Variants in MPDZ observed in about 807,000 individuals in gnomAD.
MPDZ encodes multiple PDZ domain protein.
Under a neutral mutation model 239.1 loss-of-function variants are expected in MPDZ, and 234 were observed. The ratio of observed to expected loss-of-function variants is 0.98; its 90% confidence interval spans 0.88 to 1.09. MPDZ has a LOEUF of 1.09. MPDZ is among the 50% of genes least tolerant of loss of function. The pLI is 0.00. For synonymous variants in MPDZ, 1,048 were observed against 881.3 expected, an observed-to-expected ratio of 1.19 and a Z score of -3.35; for missense variants, 3,175 against 2,510.0, an observed-to-expected ratio of 1.26 and a Z score of -5.66.
intron 34 of MPDZ, among the ~76,000 whole-genome samples, chr9:13,125,654 A>G (rs747282080): frequency 6.6e-6 from 1 of 152,126 alleles, no homozygotes; most frequent in African/African-American, 2.4e-5. Flanking sequence ...CTTATATAAG[A>G]CTTTCAACTT....
chr9:13,240,120 G>C (rs922171609), intron 3 of MPDZ, among the ~76,000 whole-genome samples: 5 of 152,114 alleles, frequency 3.3e-5, no homozygotes, highest in Middle Eastern at 3.4e-3. Context: ...CAAACAACAT[G>C]TTAGAATTTT....
chr9:13,199,849 G>A lies in MPDZ; in HGVS notation c.1547-3619C>T, dbSNP rs190583902. Reference sequence around the variant, plus strand: ...TTAATGATCTTATTAATGTGTTGTTGAATCTGGTTTGCTAGTATTTTGTTG... The same window carrying A: ...TTAATGATCTTATTAATGTGTTGTTAAATCTGGTTTGCTAGTATTTTGTTG... On this transcript the variant is annotated intron_variant, in intron 12 of 46. Transcript: ENST00000319217. Among the ~76,000 whole-genome samples, 78 of 152,142 alleles carry A rather than the reference G, an allele frequency of 5.1e-4. 1 individual carries two copies. Among genetic ancestry groups the A allele is most frequent in the African/African-American group, 1.8e-3 (74 of 41,562 alleles).
rs1389644994 is a variant in MPDZ at position 13,158,039 on chromosome 9, C to T, written c.3431G>A (p.Ser1144Asn). The T allele has an allele frequency of 1.2e-6, 2 of 1,612,590 alleles. No homozygotes were observed. The highest frequency in any genetic ancestry group is 8.5e-7 in the Non-Finnish European group (1 of 1,179,088). Residue 1144 changes from serine to asparagine, a missense_variant, in exon 24 of 47, where the codon AGC becomes AAC. Ser to Asn is a conservative substitution (Grantham distance 46). Transcript: ENST00000319217. The part of the protein sequence containing the change: ...EESELQNTAY[S>N]NWNQPRRVEL... ...TTACCGCCTGGGCTGATTCCAATTGCTATATGCTGTGTTTTGAAGTTCGCT... is the reference window on the plus strand; with the variant it reads ...TTACCGCCTGGGCTGATTCCAATTGTTATATGCTGTGTTTTGAAGTTCGCT...
intron 38 of MPDZ, chr9:13,120,241 C>T (rs1239295685): frequency 6.6e-6 from 1 of 151,466 alleles, no homozygotes; most frequent in Non-Finnish European, 1.5e-5. Context: ...TCCTTTCTTT[C>T]ACAAAACTAT....
rs766220806 is a variant in MPDZ, at chr9:13,190,228, C to A, written c.2040G>T (p.Ala680=). The change falls in exon 16 of 47, where the codon GCG becomes GCT. Residue 680 remains alanine, a synonymous_variant. Coordinates refer to ENST00000319217, the MANE Select transcript of MPDZ (RefSeq NM_001378778.1). Reference sequence around the variant, plus strand: ...CTTGAACCTCTTCTGTACTCTGACCCGCATCAGTCATCGCCAGCACTGGAT... The same window carrying A: ...CTTGAACCTCTTCTGTACTCTGACCAGCATCAGTCATCGCCAGCACTGGAT... The part of the protein sequence containing the change: ...TEDPVLAMTD[A]GQSTEEVQAP... The A allele has an allele frequency of 6.2e-7, 1 of 1,612,808 alleles. No homozygotes were observed. The highest frequency in any genetic ancestry group is 8.5e-7 in the Non-Finnish European group (1 of 1,179,404).
chr9:13,166,118 A>G (rs1280689852), intron 22 of MPDZ, among the ~76,000 whole-genome samples: 3 of 152,106 alleles, frequency 2.0e-5, no homozygotes, highest in Admixed American at 6.6e-5. Context: ...TAGGTTCATA[A>G]AGAAAAATAA....
At chr9:13,216,668 T>C (rs1958384763) in intron 10 of MPDZ, 106 bp downstream of exon 10, 1 of 750,890 alleles carries the variant, frequency 1.3e-6, no homozygotes, top group Non-Finnish European at 2.1e-6. Flanking sequence ...CCAAAAAAGC[T>C]TAAATTAGTA....
chr9:13,133,821 T>C lies in MPDZ; in HGVS notation c.4464+3A>G, dbSNP rs749328530. The stretch of plus-strand genomic sequence containing the variant: ...ATTTCATTCCAATTCAAAGCAGATT[T>C]ACCTTGGGAAGCTCCAGATGTTGCA... On this transcript the variant is annotated splice_donor_region_variant and intron_variant, in intron 32 of 46. Transcript: ENST00000319217. The C allele has an allele frequency of 2.5e-6, 4 of 1,583,648 alleles. No individual in the cohort carries two copies. The highest frequency in any genetic ancestry group is 8.7e-7 in the Non-Finnish European group (1 of 1,155,114).
At chr9:13,239,570 C>A (rs1964878416) in intron 3 of MPDZ, among the ~76,000 whole-genome samples, 1 of 152,068 alleles carries the variant, frequency 6.6e-6, no homozygotes, top group South Asian at 2.1e-4. Context: ...AAAATAACTT[C>A]AGTTATTTGG....
intron 3 of MPDZ, among the ~76,000 whole-genome samples, chr9:13,231,618 C>T (rs1266392472): frequency 3.3e-5 from 5 of 151,382 alleles, no homozygotes; most frequent in Admixed American, 3.3e-4. Flanking sequence ...ATTAAAAATC[C>T]CCCCTCCCCG....
In MPDZ at chr9:13,109,857, G is replaced by A. The variant is rs139450386; in HGVS notation, c.5942+95C>T. The A allele has an allele frequency of 1.9e-4, 174 of 931,710 alleles. 2 individuals carry two copies. The highest frequency in any genetic ancestry group is 1.6e-3 in the East Asian group (60 of 37,966). 57.7% of individuals were successfully genotyped at this position (931,710 alleles called of 1,614,324 possible). A position where few individuals can be genotyped will look rare whatever the true frequency, so the allele number is the denominator to read the frequency against. On this transcript the variant is annotated intron_variant, in intron 45 of 46. Transcript: ENST00000319217. ...ATATATCCTATCATTTTACCTGTAC[G>A]TAATTCCTAGAAACATGGGACAGAG...
chr9:13,123,069 G>C (rs958348767), intron 36 of MPDZ, 84 bp downstream of exon 36: 1 of 1,389,284 alleles, frequency 7.2e-7, no homozygotes, highest in East Asian at 2.4e-5. Context: ...TCCTTTACTA[G>C]AACTGATAGA....
chr9:13,253,794 T>C (rs1968723012), intron 1 of MPDZ, among the ~76,000 whole-genome samples: 1 of 152,020 alleles, frequency 6.6e-6, no homozygotes, highest in African/African-American at 2.4e-5. Context: ...TAAGAAGGAG[T>C]TCAGCACTAA....
At chr9:13,120,520 G>A (rs1167706945) in intron 38 of MPDZ, 3 of 152,096 alleles carry the variant, frequency 2.0e-5, no homozygotes, top group Non-Finnish European at 4.4e-5. Flanking sequence ...TGTTACCCAT[G>A]TCATATTTCA....
At chr9:13,215,544 C>A (rs918899770) in intron 10 of MPDZ, among the ~76,000 whole-genome samples, 1 of 151,246 alleles carries the variant, frequency 6.6e-6, no homozygotes, top group Non-Finnish European at 1.5e-5. Flanking sequence ...GACTCCTCTA[C>A]CTTAATATCC....
At chr9:13,128,632 T>G (rs975283897) in intron 32 of MPDZ, among the ~76,000 whole-genome samples, 1 of 152,156 alleles carries the variant, frequency 6.6e-6, no homozygotes, top group East Asian at 1.9e-4. Context: ...GTTAAGGAGC[T>G]CCAAGAATGG....
chr9:13,273,825 A>T (rs546370775), intron 1 of MPDZ, among the ~76,000 whole-genome samples: 1 of 152,368 alleles, frequency 6.6e-6, no homozygotes, highest in South Asian at 2.1e-4. Flanking sequence ...TTTTTAAAAT[A>T]CGTTCTCCAC....
chr9:13,164,893 T>C (rs145136967), intron 22 of MPDZ, among the ~76,000 whole-genome samples: 1 of 152,234 alleles, frequency 6.6e-6, no homozygotes, highest in African/African-American at 2.4e-5. Flanking sequence ...CCAGCAAAAA[T>C]GCCAAAGCTA....
intron 38 of MPDZ, chr9:13,119,850 T>A: frequency 1.7e-6 from 1 of 594,730 alleles, no homozygotes; most frequent in Non-Finnish European, 2.9e-6. Context: ...GCTTCATAGA[T>A]TAAAATGATC....
Sources: allele counts gnomAD v4.1 joint callset (sites outside exome capture counted in the v4.1 genomes callset), GRCh38; gene constraint gnomAD v4.1.1; transcripts MANE v1.5; gene names NCBI Gene and HGNC (gene_info 2026-07-23, HGNC 2026-07-21).